LRMDA: variants seen among roughly 807,000 people sequenced by gnomAD.
The protein encoded by LRMDA is leucine rich melanocyte differentiation associated, also known as leucine-rich melanocyte differentiation-associated protein.
Under a neutral mutation model 29.8 loss-of-function variants are expected in LRMDA, and 18 were observed. The observed-to-expected ratio is 0.60, with a 90% CI of 0.42 to 0.90. The LOEUF (loss-of-function observed/expected upper bound fraction) is 0.90, where lower values mean the gene tolerates loss of function less well. Ranked by LOEUF, LRMDA falls within the 40% of genes least tolerant of loss-of-function variation. LRMDA has a pLI of 0.00. For missense variants in LRMDA, 273 were observed against 273.9 expected, an observed-to-expected ratio of 1.00 and a Z score of 0.02; for synonymous variants, 125 against 109.4, an observed-to-expected ratio of 1.14 and a Z score of -0.89.
chr10:75,663,686 T>C (rs2132136912), intron 2 of LRMDA, among the ~76,000 whole-genome samples: 1 of 152,318 alleles, frequency 6.6e-6, no homozygotes, highest in East Asian at 1.9e-4. Context: ...TTGGCCTTCA[T>C]TGTCCAGTCT....
At chr10:75,977,089 G>T (rs1052447031) in intron 2 of LRMDA, among the ~76,000 whole-genome samples, 2 of 150,724 alleles carry the variant, frequency 1.3e-5, no homozygotes, top group African/African-American at 2.4e-5. Flanking sequence ...CTTTATACTA[G>T]ATAGAGCCCT....
chr10:76,366,554 G>A (rs971079967), intron 6 of LRMDA, among the ~76,000 whole-genome samples: 14 of 152,138 alleles, frequency 9.2e-5, no homozygotes, highest in African/African-American at 3.4e-4. Flanking sequence ...TTCTTGGCTT[G>A]CTTGCTGTTG....
chr10:76,472,186 T>G (rs190144381), intron 6 of LRMDA, among the ~76,000 whole-genome samples: 110 of 151,928 alleles, frequency 7.2e-4, no homozygotes, highest in Non-Finnish European at 1.4e-3. Flanking sequence ...AAAACAAGCC[T>G]CAATAAATTT....
chr10:75,449,617 AG>A (rs1844436589), intron 2 of LRMDA, among the ~76,000 whole-genome samples: 1 of 151,706 alleles, frequency 6.6e-6, no homozygotes, highest in Admixed American at 6.6e-5. Context: ...AAGACCCTAG[AG>A]GCCCTGAAGT....
intron 2 of LRMDA, among the ~76,000 whole-genome samples, chr10:75,743,139 A>G (rs1184588416): frequency 6.6e-6 from 1 of 152,104 alleles, no homozygotes; most frequent in African/African-American, 2.4e-5. Flanking sequence ...GGGGGTGGTA[A>G]GAGATGAGGT....
At chr10:76,064,802 A>C (rs549416324) in intron 5 of LRMDA, among the ~76,000 whole-genome samples, 1 of 152,364 alleles carries the variant, frequency 6.6e-6, no homozygotes, top group Admixed American at 6.5e-5. Context: ...CATTCAGTTC[A>C]ACAGACCATC....
rs1409636767 is a variant in LRMDA, at chr10:76,558,298, A to C, written c.*1010A>C. 6.6e-6 allele frequency: 1 copy of C among 152,160 alleles called. No individual in the cohort carries two copies. Among genetic ancestry groups the C allele is most frequent in the Non-Finnish European group, 1.5e-5 (1 of 68,028 alleles). 9.4% of individuals were successfully genotyped at this position (152,160 alleles called of 1,614,324 possible). A position where few individuals can be genotyped will look rare whatever the true frequency, so the allele number is the denominator to read the frequency against. ...AAAATTAAGACTGTTGAAAACACCCACCAGACCAAAGAGTTTTTATAGAAG... is the reference window on the plus strand; with the variant it reads ...AAAATTAAGACTGTTGAAAACACCCCCCAGACCAAAGAGTTTTTATAGAAG... On this transcript the variant is annotated 3_prime_UTR_variant, in exon 7 of 7. Coordinates refer to ENST00000611255, the MANE Select transcript of LRMDA (RefSeq NM_001305581.2).
In LRMDA at chr10:76,016,211, C is replaced by T. The variant is rs1220379176; in HGVS notation, c.132-19797C>T. On this transcript the variant is annotated intron_variant, in intron 2 of 6. Coordinates refer to ENST00000611255, the MANE Select transcript of LRMDA (RefSeq NM_001305581.2). ...TATTTAAATATATGTTGACTTTTTTCCTTTGATGATGTTGATTTCTGATTC... is the reference window on the plus strand; with the variant it reads ...TATTTAAATATATGTTGACTTTTTTTCTTTGATGATGTTGATTTCTGATTC... Among the ~76,000 whole-genome samples, 3 of 152,062 alleles carry T rather than the reference C, an allele frequency of 2.0e-5. No individual in the cohort carries two copies. In the East Asian group the frequency reaches 5.8e-4, roughly 29 times the overall value.
chr10:75,576,363 G>C (rs1840506080), intron 2 of LRMDA, among the ~76,000 whole-genome samples: 1 of 152,226 alleles, frequency 6.6e-6, no homozygotes, highest in African/African-American at 2.4e-5. Flanking sequence ...AAAGGCAGTA[G>C]CCCCAGTCAG....
rs1297311641 is a variant in LRMDA, at chr10:75,462,977, A to G, written c.131+24483A>G. On this transcript the variant is annotated intron_variant, in intron 2 of 6. Transcript: ENST00000611255. ...TGATGAGACAATTAGCGGGGAGCAA[A>G]CTGTTAGTATCACTGAGCTCCTGGT... Among the ~76,000 whole-genome samples the G allele has an allele frequency of 2.0e-5, 3 of 152,304 alleles. No individual in the cohort carries two copies. In the East Asian group the frequency reaches 5.8e-4, roughly 29 times the overall value.
chr10:76,160,321 G>A (rs991418203), intron 5 of LRMDA, among the ~76,000 whole-genome samples: 57 of 151,070 alleles, frequency 3.8e-4, no homozygotes, highest in Admixed American at 2.0e-3. Flanking sequence ...ATAATTGAAA[G>A]TAAAAAGTTC....
chr10:75,884,795 A>AGG lies in LRMDA; in HGVS notation c.132-151210_132-151209dup, dbSNP rs558520943. 3.8e-3 allele frequency among the ~76,000 whole-genome samples: 575 copies of AGG among 152,358 alleles called. 2 individuals carry two copies. The highest frequency in any genetic ancestry group is 6.2e-3 in the Non-Finnish European group (424 of 68,034). ...TTGCATGGTAGAGCTTGGGAACTGAAGGGGACCATTGTGGTCATGGAAGTC... is the reference window on the plus strand; with the variant it reads ...TTGCATGGTAGAGCTTGGGAACTGAAGGGGGGACCATTGTGGTCATGGAAGTC... On this transcript the variant is annotated intron_variant, in intron 2 of 6. Transcript: ENST00000611255.
chr10:75,563,013 G>T (rs1003833271), intron 2 of LRMDA, among the ~76,000 whole-genome samples: 4 of 152,164 alleles, frequency 2.6e-5, no homozygotes, highest in African/African-American at 7.2e-5. Context: ...GTGTCTTGGA[G>T]TTGCTCTTCT....
intron 5 of LRMDA, among the ~76,000 whole-genome samples, chr10:76,305,557 G>A (rs1349685828): frequency 6.6e-6 from 1 of 152,174 alleles, no homozygotes; most frequent in African/African-American, 2.4e-5. Context: ...GTGTTTGAGA[G>A]TTGAAGACTA....
At chr10:76,137,787 CA>C (rs1294696366) in intron 5 of LRMDA, among the ~76,000 whole-genome samples, 2 of 104,548 alleles carry the variant, frequency 1.9e-5, no homozygotes, top group Admixed American at 1.0e-4. Context: ...AAAAAAAAAA[CA>C]AACAAAAAAC....
chr10:76,388,330 A>G (rs944525937), intron 6 of LRMDA, among the ~76,000 whole-genome samples: 22 of 152,186 alleles, frequency 1.4e-4, no homozygotes, highest in Non-Finnish European at 2.5e-4. Flanking sequence ...CAGAAAGCAT[A>G]AGGTAATAGC....
chr10:75,922,679 C>T (rs1052181835), intron 2 of LRMDA, among the ~76,000 whole-genome samples: 1 of 152,150 alleles, frequency 6.6e-6, no homozygotes, highest in Admixed American at 6.5e-5. Context: ...AGGACTGTTT[C>T]TCCAGAATGT....
At position 76,359,011 on chromosome 10, in the gene LRMDA, C is replaced by T. The variant is rs563552221; in HGVS notation, c.601+34526C>T. 2.4e-4 allele frequency among the ~76,000 whole-genome samples: 37 copies of T among 152,294 alleles called. 1 individual carries two copies. The South Asian group carries it at 3.3e-3, about 14-fold the overall frequency. On this transcript the variant is annotated intron_variant, in intron 6 of 6. Transcript: ENST00000611255. Reference sequence around the variant, plus strand: ...ATGTTCGGCAAGGGACAGCATTCCTCTAGTCTTCATTGTGAGGCCTCTTCT... The same window carrying T: ...ATGTTCGGCAAGGGACAGCATTCCTTTAGTCTTCATTGTGAGGCCTCTTCT...
intron 2 of LRMDA, among the ~76,000 whole-genome samples, chr10:75,446,894 GTT>G (rs1294330798): frequency 2.6e-5 from 4 of 152,242 alleles, no homozygotes; most frequent in Non-Finnish European, 5.9e-5. Context: ...GACATGTTCT[GTT>G]GGTAGTGGGT....
Sources: allele counts gnomAD v4.1 joint callset (sites outside exome capture counted in the v4.1 genomes callset), GRCh38; gene constraint gnomAD v4.1.1; transcripts MANE v1.5; gene names NCBI Gene and HGNC (gene_info 2026-07-23, HGNC 2026-07-21).